Variants in REDIC1 observed in about 807,000 individuals in gnomAD.
REDIC1 encodes HEI10 Interacting Protein 1.
chr12:39,640,842 A>C, the REDIC1 span: 3 of 615,876 alleles, frequency 4.9e-6, no homozygotes, highest in Non-Finnish European at 8.2e-6. Context: ...AAAAAATGCA[A>C]TGATACTACA....
the REDIC1 span, among the ~76,000 whole-genome samples, chr12:39,825,098 G>T: frequency 6.6e-6 from 1 of 152,024 alleles, no homozygotes. Flanking sequence ...TGCCAAATAG[G>T]GAATCTATCT....
At chr12:39,629,736 G>C in the REDIC1 span, among the ~76,000 whole-genome samples, 1 of 152,116 alleles carries the variant, frequency 6.6e-6, no homozygotes, top group Non-Finnish European at 1.5e-5. Context: ...TCAAACCAGG[G>C]TCTCACTGAG....
chr12:39,890,679 G>T, the REDIC1 span, among the ~76,000 whole-genome samples: 1 of 151,776 alleles, frequency 6.6e-6, no homozygotes, highest in African/African-American at 2.4e-5. Flanking sequence ...GAAACATCAC[G>T]TTGTACTCCA....
At chr12:39,903,717 A>G in the REDIC1 span, among the ~76,000 whole-genome samples, 1 of 152,136 alleles carries the variant, frequency 6.6e-6, no homozygotes, top group Non-Finnish European at 1.5e-5. Context: ...CCAGAAATGG[A>G]GACATCATTT....
At chr12:39,892,993 A>G in the REDIC1 span, among the ~76,000 whole-genome samples, 1 of 152,168 alleles carries the variant, frequency 6.6e-6, no homozygotes. Context: ...AAATTTTTTG[A>G]TGTTACAATT....
At chr12:39,689,633 T>C in the REDIC1 span, among the ~76,000 whole-genome samples, 6 of 151,804 alleles carry the variant, frequency 4.0e-5, no homozygotes, top group South Asian at 4.2e-4. Context: ...ACATTTCAGG[T>C]TGGAGGGTAT....
the REDIC1 span, among the ~76,000 whole-genome samples, chr12:39,705,318 TAA>T: frequency 6.6e-6 from 1 of 152,082 alleles, no homozygotes; most frequent in Non-Finnish European, 1.5e-5. Flanking sequence ...GAAGTTGTAA[TAA>T]AAAGTCTCCC....
the REDIC1 span, among the ~76,000 whole-genome samples, chr12:39,902,591 G>T: frequency 6.6e-6 from 1 of 152,006 alleles, no homozygotes; most frequent in South Asian, 2.1e-4. Context: ...AAATTATCTT[G>T]TCCTCACAAA....
At chr12:39,771,189 G>C in the REDIC1 span, among the ~76,000 whole-genome samples, 1 of 152,148 alleles carries the variant, frequency 6.6e-6, no homozygotes, top group Non-Finnish European at 1.5e-5. Flanking sequence ...AGAGACTCTA[G>C]AGTAACCCTG....
the REDIC1 span, chr12:39,640,963 T>G: frequency 2.9e-5 from 46 of 1,610,264 alleles, no homozygotes; most frequent in Non-Finnish European, 3.1e-5. Context: ...AGGTCCAGGG[T>G]TCTGATCAAG....
At chr12:39,891,011 C>G in the REDIC1 span, among the ~76,000 whole-genome samples, 5 of 152,088 alleles carry the variant, frequency 3.3e-5, no homozygotes, top group African/African-American at 9.6e-5. Context: ...TCTTCATACT[C>G]TTTCATATTT....
chr12:39,752,722 A>G, the REDIC1 span, among the ~76,000 whole-genome samples: 1 of 152,190 alleles, frequency 6.6e-6, no homozygotes, highest in Non-Finnish European at 1.5e-5. Flanking sequence ...AGGCAGAGAC[A>G]ACATCGTGTG....
chr12:39,757,966 T>TTTGA, the REDIC1 span: 1 of 152,140 alleles, frequency 6.6e-6, no homozygotes, highest in African/African-American at 2.4e-5. Flanking sequence ...CTTATTATAT[T>TTTGA]TTGATTGTAC....
the REDIC1 span, among the ~76,000 whole-genome samples, chr12:39,783,319 C>T: frequency 0.14 from 20,661 of 152,114 alleles, 1,687 homozygotes; most frequent in East Asian, 0.39. Flanking sequence ...TGAATAGTGC[C>T]GCAATAAACA....
At chr12:39,706,256 G>C in the REDIC1 span, among the ~76,000 whole-genome samples, 1 of 151,954 alleles carries the variant, frequency 6.6e-6, no homozygotes, top group African/African-American at 2.4e-5. Flanking sequence ...AACCAAGGAA[G>C]TGAAAGAGCT....
At chr12:39,714,368 C>T in the REDIC1 span, among the ~76,000 whole-genome samples, 1 of 138,676 alleles carries the variant, frequency 7.2e-6, no homozygotes, top group Non-Finnish European at 1.6e-5. Context: ...TATATATGTG[C>T]TTCCATGTAT....
the REDIC1 span, among the ~76,000 whole-genome samples, chr12:39,714,452 GTTGA>G: frequency 7.3e-5 from 11 of 151,014 alleles, no homozygotes; most frequent in East Asian, 1.9e-3. Flanking sequence ...TCATCCACTC[GTTGA>G]TTGATGGGCA....
At chr12:39,800,403 A>G in the REDIC1 span, among the ~76,000 whole-genome samples, 1 of 151,114 alleles carries the variant, frequency 6.6e-6, no homozygotes, top group African/African-American at 2.4e-5. Context: ...TTACAAGAAA[A>G]AAACAAACAA....
At chr12:39,638,287 T>G in the REDIC1 span, among the ~76,000 whole-genome samples, 1 of 151,972 alleles carries the variant, frequency 6.6e-6, no homozygotes, top group East Asian at 1.9e-4. Flanking sequence ...TTGCAGGAGC[T>G]GCAGCAGGAT....
Sources: allele counts gnomAD v4.1 joint callset (sites outside exome capture counted in the v4.1 genomes callset), GRCh38; gene constraint gnomAD v4.1.1; transcripts MANE v1.5; gene names NCBI Gene and HGNC (gene_info 2026-07-23, HGNC 2026-07-21).